The following THRB variants were observed in gnomAD, a reference collection of about 807,000 sequenced individuals.
The protein encoded by THRB is nuclear receptor subfamily 1 group A member 2.
Under a neutral mutation model 47.8 loss-of-function variants are expected in THRB, and 12 were observed. That is an observed-to-expected ratio of 0.25 (90% CI 0.16 to 0.41). THRB has a LOEUF of 0.41. Ranked by LOEUF, THRB falls within the 10% of genes least tolerant of loss-of-function variation. The pLI is 1.00. For synonymous variants in THRB, 218 were observed against 212.2 expected, an observed-to-expected ratio of 1.03 and a Z score of -0.24; for missense variants, 348 against 589.2, an observed-to-expected ratio of 0.59 and a Z score of 4.24.
At chr3:24,158,507 C>T (rs974633299) in intron 5 of THRB, among the ~76,000 whole-genome samples, 4 of 151,532 alleles carry the variant, frequency 2.6e-5, no homozygotes, top group Non-Finnish European at 4.4e-5. Flanking sequence ...CGGCTCGCTG[C>T]AGCTTCCACC....
At chr3:24,434,618 A>G (rs2070756943) in intron 1 of THRB, among the ~76,000 whole-genome samples, 1 of 152,226 alleles carries the variant, frequency 6.6e-6, no homozygotes, top group South Asian at 2.1e-4. Context: ...ATGTTGTGAT[A>G]GAGACTCAGA....
At chr3:24,369,398 A>C (rs535565030) in intron 1 of THRB, among the ~76,000 whole-genome samples, 1 of 152,282 alleles carries the variant, frequency 6.6e-6, no homozygotes, top group Admixed American at 6.5e-5. Context: ...TGCAGAGCTG[A>C]GGTTTGAACT....
chr3:24,254,590 C>T lies in THRB; in HGVS notation c.-42-25589G>A, dbSNP rs767807525. Among the ~76,000 whole-genome samples, 19 of 152,294 alleles carry T rather than the reference C, an allele frequency of 1.2e-4. 2 individuals carry two copies. Among genetic ancestry groups the T allele is most frequent in the Admixed American group, 1.2e-3 (18 of 15,292 alleles). On this transcript the variant is annotated intron_variant, in intron 3 of 10. Transcript: ENST00000646209. ...TTGCACTTAAATGTGTAGGAGTCAA[C>T]ACAAGTCTCCCAGCCTTACAGGCAT...
intron 1 of THRB, chr3:24,459,523 C>T (rs1387445916): frequency 1.3e-5 from 2 of 152,108 alleles, no homozygotes; most frequent in African/African-American, 4.8e-5. Context: ...GCTCTAGATC[C>T]CTGAGGAATC....
At chr3:24,299,043 C>A (rs556519066) in intron 2 of THRB, among the ~76,000 whole-genome samples, 230 of 151,602 alleles carry the variant, frequency 1.5e-3, no homozygotes, top group African/African-American at 5.2e-3. Context: ...GTCAGGAGAT[C>A]GAGACCATCC....
chr3:24,384,565 T>C (rs1414061288), intron 1 of THRB, among the ~76,000 whole-genome samples: 1 of 152,112 alleles, frequency 6.6e-6, no homozygotes, highest in Non-Finnish European at 1.5e-5. Context: ...CAGACATCCA[T>C]AAAATCATTC....
At position 24,117,352 on chromosome 3, in the gene THRB, A is replaced by G. The variant is rs928437602; in HGVS notation, c.*5532T>C. On this transcript the variant is annotated 3_prime_UTR_variant, in exon 11 of 11. Coordinates refer to ENST00000646209, the MANE Select transcript of THRB (RefSeq NM_001354712.2). The stretch of plus-strand genomic sequence containing the variant: ...GCAGCAAGACTTAGAATTTTCTTTC[A>G]GGAATCATCTTGCCTCAACTCTCAG... The G allele has an allele frequency of 6.6e-6, 1 of 152,212 alleles. No homozygotes were observed. The highest frequency in any genetic ancestry group is 1.5e-5 in the Non-Finnish European group (1 of 68,040). 9.4% of individuals were successfully genotyped at this position (152,212 alleles called of 1,614,324 possible). A position where few individuals can be genotyped will look rare whatever the true frequency, so the allele number is the denominator to read the frequency against.
At chr3:24,377,270 T>C (rs1033249624) in intron 1 of THRB, among the ~76,000 whole-genome samples, 4 of 152,052 alleles carry the variant, frequency 2.6e-5, no homozygotes, top group Non-Finnish European at 5.9e-5. Flanking sequence ...GGGAGCACAT[T>C]CCATTTGGTT....
At chr3:24,192,358 C>T (rs977773564) in intron 4 of THRB, among the ~76,000 whole-genome samples, 6 of 146,878 alleles carry the variant, frequency 4.1e-5, no homozygotes, top group African/African-American at 1.6e-4. Flanking sequence ...CATGAAAATT[C>T]TTCTCAGCAC....
At chr3:24,166,331 T>G (rs2039640696) in intron 5 of THRB, among the ~76,000 whole-genome samples, 1 of 152,204 alleles carries the variant, frequency 6.6e-6, no homozygotes, top group Non-Finnish European at 1.5e-5. Context: ...CTGTTGGTGC[T>G]TAACAGTACT....
At chr3:24,396,420 T>C (rs1387530806) in intron 1 of THRB, among the ~76,000 whole-genome samples, 1 of 152,096 alleles carries the variant, frequency 6.6e-6, no homozygotes, top group African/African-American at 2.4e-5. Flanking sequence ...TGCCACAGTA[T>C]TCACTTCACT....
intron 3 of THRB, among the ~76,000 whole-genome samples, chr3:24,235,224 C>G (rs1392045519): frequency 5.3e-5 from 8 of 152,220 alleles, no homozygotes; most frequent in Non-Finnish European, 1.0e-4. Flanking sequence ...AACACCTCCA[C>G]TCCTTCTTGT....
At chr3:24,456,853 G>A (rs558279425) in intron 1 of THRB, among the ~76,000 whole-genome samples, 2 of 152,076 alleles carry the variant, frequency 1.3e-5, no homozygotes, top group East Asian at 3.9e-4. Context: ...CTTAGGTAGA[G>A]AGTAAAGAGG....
chr3:24,397,431 C>T (rs2067046232), intron 1 of THRB, among the ~76,000 whole-genome samples: 1 of 152,088 alleles, frequency 6.6e-6, no homozygotes, highest in Non-Finnish European at 1.5e-5. Context: ...TCAGCACATA[C>T]CTAAAAAACG....
intron 3 of THRB, among the ~76,000 whole-genome samples, chr3:24,284,775 A>G (rs1054663655): frequency 3.3e-4 from 50 of 150,758 alleles, no homozygotes; most frequent in African/African-American, 1.0e-3. Context: ...GGCAGAGGAC[A>G]TGAACAGACA....
chr3:24,377,466 G>T (rs1505286), intron 1 of THRB, among the ~76,000 whole-genome samples: 1 of 151,934 alleles, frequency 6.6e-6, no homozygotes, highest in African/African-American at 2.4e-5. Context: ...CATTATGTGT[G>T]CTACAGGAAG....
At chr3:24,212,577 CAAAAAAAAA>C (rs1199010853) in intron 4 of THRB, among the ~76,000 whole-genome samples, 3 of 84,098 alleles carry the variant, frequency 3.6e-5, no homozygotes, top group South Asian at 5.7e-4. Flanking sequence ...GACTCCGTCT[CAAAAAAAAA>C]AAAAAAAAAA....
At chr3:24,406,026 A>C (rs1208554542) in intron 1 of THRB, among the ~76,000 whole-genome samples, 1 of 151,642 alleles carries the variant, frequency 6.6e-6, no homozygotes, top group Non-Finnish European at 1.5e-5. Context: ...GATTATGACT[A>C]ACAAGTACAC....
chr3:24,157,730 CTA>C (rs2038080968), intron 5 of THRB, among the ~76,000 whole-genome samples: 1 of 152,078 alleles, frequency 6.6e-6, no homozygotes, highest in Admixed American at 6.6e-5. Flanking sequence ...TGGGGTCTTG[CTA>C]TGTTTCCCAG....
Sources: allele counts gnomAD v4.1 joint callset (sites outside exome capture counted in the v4.1 genomes callset), GRCh38; gene constraint gnomAD v4.1.1; transcripts MANE v1.5; gene names NCBI Gene and HGNC (gene_info 2026-07-23, HGNC 2026-07-21).